Variants in SLC25A18 observed in about 807,000 individuals in gnomAD.
The protein encoded by SLC25A18 is solute carrier family 25 member 18.
A neutral mutation model predicts 31.1 loss-of-function variants in SLC25A18; 24 were observed. The observed-to-expected ratio is 0.77, with a 90% CI of 0.56 to 1.08. The LOEUF is 1.08. Ranked by LOEUF, SLC25A18 falls within the 50% of genes least tolerant of loss-of-function variation. The probability of loss-of-function intolerance (pLI) is 0.00; values close to 1 mark genes in which losing one functional copy is unlikely to be tolerated. For synonymous variants in SLC25A18, 173 were observed against 161.9 expected, an observed-to-expected ratio of 1.07 and a Z score of -0.52; for missense variants, 371 against 418.5, an observed-to-expected ratio of 0.89 and a Z score of 0.99.
At chr22:17,589,792 T>G in intron 10 of SLC25A18, 127 bp downstream of exon 10, 2 of 892,260 alleles carry the variant, frequency 2.2e-6, no homozygotes, top group Non-Finnish European at 1.8e-6. Context: ...TGTCTTTCCC[T>G]CACCTCTCAA....
intron 9 of SLC25A18, 30 bp from the exon 10 acceptor site, chr22:17,589,560 A>G (rs1167814269): frequency 1.2e-6 from 2 of 1,601,938 alleles, no homozygotes; most frequent in Admixed American, 1.7e-5. Context: ...TAAGCTGTTC[A>G]CTACTTACTT....
chr22:17,574,093 A>T (rs2057166077), intron 2 of SLC25A18, among the ~76,000 whole-genome samples: 1 of 152,152 alleles, frequency 6.6e-6, no homozygotes, highest in African/African-American at 2.4e-5. Flanking sequence ...AAATAGCCTG[A>T]CATGGTGTCA....
At position 17,568,103 on chromosome 22, in the gene SLC25A18, A is replaced by G. The variant is rs1016764179; in HGVS notation, c.-263-1821A>G. Among the ~76,000 whole-genome samples, 8 of 152,074 alleles carry G rather than the reference A, an allele frequency of 5.3e-5. 1 individual carries two copies. The Middle Eastern group carries it at 0.014, about 259-fold the overall frequency. On this transcript the variant is annotated intron_variant, in intron 1 of 10. Coordinates refer to ENST00000327451, the MANE Select transcript of SLC25A18 (RefSeq NM_031481.3). ...GAATAGGCCAGGTGCGATGGCTCAC[A>G]CCTATAATCCCAGCACTTTGGGAGG... is the stretch of plus-strand genomic sequence containing the variant.
chr22:17,567,359 A>G (rs1001777821), intron 1 of SLC25A18, among the ~76,000 whole-genome samples: 1 of 152,054 alleles, frequency 6.6e-6, no homozygotes, highest in Admixed American at 6.6e-5. Context: ...AAGCAATCCT[A>G]TTTTCAAGTC....
In SLC25A18 at chr22:17,584,446, GGAGAGAGAGAGA is replaced by G. The variant is rs60872688; in HGVS notation, c.409+927_409+938del. On this transcript the variant is annotated intron_variant, in intron 7 of 10. Coordinates refer to ENST00000327451, the MANE Select transcript of SLC25A18 (RefSeq NM_031481.3). ...AAGAAGGAAGGAAGGAAGGAAGGAA[GGAGAGAGAGAGA>G]GAGAGAGAGAGAGAAAGAAAGAAAG... is the stretch of plus-strand genomic sequence containing the variant. Among the ~76,000 whole-genome samples, 5 of 116,824 alleles carry G rather than the reference GGAGAGAGAGAGA, an allele frequency of 4.3e-5. No homozygotes were observed. The South Asian group carries it at 7.7e-4, about 18-fold the overall frequency. 76.6% of individuals were successfully genotyped at this position (116,824 alleles called of 152,430 possible).
intron 6 of SLC25A18, 114 bp downstream of exon 6, chr22:17,582,767 T>G: frequency 1.1e-6 from 1 of 893,142 alleles, no homozygotes; most frequent in Middle Eastern, 2.7e-4. Flanking sequence ...TATAAATATG[T>G]GCACACATGG....
intron 2 of SLC25A18, among the ~76,000 whole-genome samples, chr22:17,571,875 G>A (rs1006425266): frequency 1.9e-4 from 29 of 152,022 alleles, no homozygotes; most frequent in African/African-American, 6.8e-4. Context: ...AAAATTAGCC[G>A]GGCATGGTGG....
At chr22:17,589,569 T>TTTAAC in intron 9 of SLC25A18, 21 bp from the exon 10 acceptor site, 1 of 1,612,850 alleles carries the variant, frequency 6.2e-7, no homozygotes, top group South Asian at 1.1e-5. Context: ...CACTACTTAC[T>TTTAAC]TTAACTTTTA....
intron 3 of SLC25A18, 121 bp downstream of exon 3, chr22:17,580,085 G>A (rs2057333620): frequency 1.1e-6 from 1 of 899,772 alleles, no homozygotes; most frequent in Non-Finnish European, 1.7e-6. Context: ...CAAGACCCCT[G>A]TCCCCCATAT....
In SLC25A18 at chr22:17,569,954, T is replaced by C; in HGVS notation, c.-233T>C. On this transcript the variant is annotated 5_prime_UTR_variant, in exon 2 of 11. Transcript: ENST00000327451. ...CAGCGATCTGAACTATATCCTGGGT[T>C]CCAGAAAAGGCAGAGGTTCTTACCG... 1 of 985,448 alleles carries C rather than the reference T, an allele frequency of 1.0e-6. No homozygotes were observed. Among genetic ancestry groups the C allele is most frequent in the Non-Finnish European group, 1.2e-6 (1 of 829,958 alleles). The allele number at this position is 985,448 out of a possible 1,614,324, so 61.0% of individuals were successfully genotyped here.
At chr22:17,565,963 G>A (rs1266605005) in intron 1 of SLC25A18, among the ~76,000 whole-genome samples, 1 of 151,918 alleles carries the variant, frequency 6.6e-6, no homozygotes, top group African/African-American at 2.4e-5. Flanking sequence ...AAAGCACAAG[G>A]ATTACAGGCG....
chr22:17,589,100 A>C (rs2146283026), intron 9 of SLC25A18: 1 of 152,914 alleles, frequency 6.5e-6, no homozygotes, highest in East Asian at 1.9e-4. Flanking sequence ...TGACTCATTT[A>C]TTTTATAGCT....
Position 17,587,206 on chromosome 22 carries a change from C to T in SLC25A18, c.480C>T (p.Thr160=). The change falls in exon 8 of 11, where the codon ACC becomes ACT. Residue 160 remains threonine, a synonymous_variant. Coordinates refer to ENST00000327451, the MANE Select transcript of SLC25A18 (RefSeq NM_031481.3). ...CCTACACAACTGGTTCGGCTTCCACCCACAGGCGCCCCTCTGCCACCCTCA... is the reference window on the plus strand; with the variant it reads ...CCTACACAACTGGTTCGGCTTCCACTCACAGGCGCCCCTCTGCCACCCTCA... ...SRSYTTGSAS[T]HRRPSATLIA... The T allele has an allele frequency of 1.2e-6, 2 of 1,614,166 alleles. No homozygotes were observed. Among genetic ancestry groups the T allele is most frequent in the Non-Finnish European group, 1.7e-6 (2 of 1,180,042 alleles).
chr22:17,570,265 C>T (rs957063799), intron 2 of SLC25A18: 3 of 152,482 alleles, frequency 2.0e-5, no homozygotes, highest in Admixed American at 6.5e-5. Context: ...TGGGAACACT[C>T]ACCCTTGCTC....
At chr22:17,589,173 GT>G (rs142475005) in intron 9 of SLC25A18, 29,516 of 149,594 alleles carry the variant, frequency 0.2, 3,120 homozygotes, top group African/African-American at 0.29. Context: ...CCTCATGACC[GT>G]TTTTTTTTTT....
At chr22:17,588,156 G>A (rs768633511) in intron 9 of SLC25A18, 77 bp downstream of exon 9, 1 of 1,558,724 alleles carries the variant, frequency 6.4e-7, no homozygotes, top group East Asian at 2.3e-5. Context: ...GCCTGACCCT[G>A]GAAGCCATAC....
intron 7 of SLC25A18, among the ~76,000 whole-genome samples, chr22:17,585,708 G>T (rs1331460018): frequency 6.7e-6 from 1 of 148,604 alleles, no homozygotes; most frequent in Non-Finnish European, 1.5e-5. Context: ...GAGTCCAATG[G>T]CACTGTCTTG....
chr22:17,565,491 G>A (rs28529249), intron 1 of SLC25A18, among the ~76,000 whole-genome samples: 4 of 151,968 alleles, frequency 2.6e-5, no homozygotes, highest in South Asian at 2.1e-4. Flanking sequence ...CTCCTTCCTC[G>A]ACCTCCCAAG....
chr22:17,589,976 G>A, intron 10 of SLC25A18, 119 bp from the exon 11 acceptor site: 1 of 1,414,326 alleles, frequency 7.1e-7, no homozygotes, highest in Non-Finnish European at 9.6e-7. Flanking sequence ...TTGGCCTCTT[G>A]CTCTTGTTGT....
Sources: allele counts gnomAD v4.1 joint callset (sites outside exome capture counted in the v4.1 genomes callset), GRCh38; gene constraint gnomAD v4.1.1; transcripts MANE v1.5; gene names NCBI Gene and HGNC (gene_info 2026-07-23, HGNC 2026-07-21).